The following ACYP1 variants were observed in gnomAD, a reference collection of about 807,000 sequenced individuals.
ACYP1 encodes acylphosphatase-1.
In ACYP1, 8 loss-of-function variants were observed where a neutral mutation model predicts 10.4. The ratio of observed to expected loss-of-function variants is 0.77; its 90% CI spans 0.45 to 1.38. The LOEUF (loss-of-function observed/expected upper bound fraction) is 1.38, where lower values mean the gene tolerates loss of function less well. Ranked by LOEUF, ACYP1 falls within the 40% of genes most tolerant of loss-of-function variation. The pLI is 0.00. For missense variants in ACYP1, 93 were observed against 117.3 expected (o/e 0.79, Z 0.96); for synonymous variants, 38 against 40.8 (o/e 0.93, Z 0.26).
upstream of ACYP1, chr14:75,064,090 C>G (rs1310305778): frequency 1.0e-6 from 1 of 959,866 alleles, no homozygotes; most frequent in African/African-American, 1.8e-5. Flanking sequence ...CCATCACCTC[C>G]AGCTGACCAA....
upstream of ACYP1, among the ~76,000 whole-genome samples, chr14:75,067,182 TACACACACACACACAC>T (rs60274425): frequency 3.1e-3 from 450 of 147,100 alleles, no homozygotes; most frequent in African/African-American, 8.5e-3. Context: ...TGTCTGGAAC[TACACACACACACACAC>T]ACACACACAC....
exon 1 of ACYP1, chr14:75,069,453 G>C: frequency 1.8e-6 from 1 of 569,916 alleles, no homozygotes; most frequent in East Asian, 3.4e-5. Context: ...CCCAAGGGCA[G>C]GGCTGGACCG....
At chr14:75,055,633 A>G (rs1053266922) in intron 2 of ACYP1, among the ~76,000 whole-genome samples, 1 of 151,498 alleles carries the variant, frequency 6.6e-6, no homozygotes, top group South Asian at 2.1e-4. Context: ...TCATCTGACA[A>G]CATTTCAAGG....
intron 2 of ACYP1, 156 bp downstream of exon 2, chr14:75,063,314 T>C (rs1867510534): frequency 1.6e-6 from 1 of 631,602 alleles, no homozygotes; most frequent in Non-Finnish European, 2.9e-6. Context: ...TTTTACCGAT[T>C]GCACAGCATT....
At chr14:75,058,503 A>T (rs1407857066) in intron 2 of ACYP1, among the ~76,000 whole-genome samples, 1 of 151,082 alleles carries the variant, frequency 6.6e-6, no homozygotes, top group Non-Finnish European at 1.5e-5. Context: ...ATAGAGTAAG[A>T]CTTCATTGAC....
intron 2 of ACYP1, among the ~76,000 whole-genome samples, chr14:75,062,756 AGGCAGAG>A (rs1893059967): frequency 6.6e-6 from 1 of 152,058 alleles, no homozygotes; most frequent in African/African-American, 2.4e-5. Context: ...TACCTACAGA[AGGCAGAG>A]GGTAAATTGA....
chr14:75,058,607 G>C (rs1476392000), intron 2 of ACYP1, among the ~76,000 whole-genome samples: 3 of 151,110 alleles, frequency 2.0e-5, no homozygotes, highest in Non-Finnish European at 4.4e-5. Flanking sequence ...TCAACACTGG[G>C]GATCAAATTT....
At chr14:75,064,153 C>T (rs914628602), upstream of ACYP1, 7 of 481,804 alleles carry the variant, frequency 1.5e-5, no homozygotes, top group African/African-American at 2.1e-5. Flanking sequence ...TTTCAGGACG[C>T]GGTTGTCCGG....
rs568559077 is a variant in ACYP1, at chr14:75,063,374, T to C, written c.84+96A>G. 4.1e-6 allele frequency: 4 copies of C among 977,974 alleles called. No homozygotes were observed. The East Asian group carries it at 9.6e-5, about 23-fold the overall frequency. 60.6% of individuals were successfully genotyped at this position (977,974 alleles called of 1,614,324 possible). Reference sequence around the variant, plus strand: ...ACCTCTTTGCCATGCAGCTACCAAATAGCCAGCGGCTTCTAGTTCACATTT... The same window carrying C: ...ACCTCTTTGCCATGCAGCTACCAAACAGCCAGCGGCTTCTAGTTCACATTT... On this transcript the variant is annotated intron_variant, in intron 2 of 2. Coordinates refer to ENST00000238618, the MANE Select transcript of ACYP1 (RefSeq NM_001107.5).
exon 1 of ACYP1, chr14:75,069,335 T>A (rs1175111560): frequency 5.1e-6 from 7 of 1,380,234 alleles, no homozygotes; most frequent in Non-Finnish European, 6.6e-6. Flanking sequence ...GCCTCCGCCC[T>A]TTGCCAGACA....
chr14:75,068,964 G>A (rs1893220185), upstream of ACYP1, among the ~76,000 whole-genome samples: 2 of 152,192 alleles, frequency 1.3e-5, no homozygotes, highest in Non-Finnish European at 2.9e-5. Context: ...ATTTACTGTT[G>A]AAGCCAGGTT....
upstream of ACYP1, chr14:75,064,161 C>T (rs995869488): frequency 1.2e-5 from 5 of 401,064 alleles, no homozygotes; most frequent in Non-Finnish European, 1.7e-5. Flanking sequence ...CGCGGTTGTC[C>T]GGCAACCCAA....
chr14:75,054,824 C>T (rs1185365690), intron 2 of ACYP1, among the ~76,000 whole-genome samples: 1 of 151,442 alleles, frequency 6.6e-6, no homozygotes, highest in South Asian at 2.1e-4. Flanking sequence ...CTACCTGATG[C>T]GCTGCTAAGT....
At chr14:75,061,786 A>G (rs1473621797) in intron 2 of ACYP1, 1 of 1,532,554 alleles carries the variant, frequency 6.5e-7, no homozygotes, top group Admixed American at 1.8e-5. Context: ...AGATGGGAAG[A>G]AATGATTTTT....
intron 2 of ACYP1, among the ~76,000 whole-genome samples, chr14:75,054,980 T>G (rs1892838776): frequency 6.6e-6 from 1 of 151,400 alleles, no homozygotes; most frequent in African/African-American, 2.4e-5. Flanking sequence ...TTAAGAGTTA[T>G]CTTATATGGT....
At chr14:75,059,765 T>C (rs1011758882) in intron 2 of ACYP1, 1 of 152,594 alleles carries the variant, frequency 6.6e-6, no homozygotes, top group Non-Finnish European at 1.5e-5. Flanking sequence ...CAACAGGATA[T>C]TATTCCGTCT....
chr14:75,064,672 T>C (rs781701168), upstream of ACYP1, among the ~76,000 whole-genome samples: 22 of 152,198 alleles, frequency 1.4e-4, no homozygotes, highest in Middle Eastern at 3.4e-3. Flanking sequence ...AGGTGGAGGC[T>C]GCAGTGAGCC....
At chr14:75,068,648 G>A (rs981376196), upstream of ACYP1, among the ~76,000 whole-genome samples, 1 of 151,946 alleles carries the variant, frequency 6.6e-6, no homozygotes, top group Non-Finnish European at 1.5e-5. Context: ...GAGTGGAGTG[G>A]GAAACGTCTG....
intron 2 of ACYP1, among the ~76,000 whole-genome samples, chr14:75,057,576 C>T (rs961833837): frequency 4.0e-5 from 6 of 151,392 alleles, no homozygotes; most frequent in African/African-American, 1.2e-4. Flanking sequence ...GAAGGATTCA[C>T]ACTTCCCAAT....
Sources: gnomAD v4.1 joint callset for allele counts (sites outside exome capture counted in the v4.1 genomes callset) on GRCh38, gnomAD v4.1.1 for gene constraint, MANE v1.5 for transcripts, NCBI Gene and HGNC (gene_info 2026-07-23, HGNC 2026-07-21) for gene names.